Variants in MTCL3 observed in about 807,000 individuals in gnomAD.
The protein encoded by MTCL3 is MTCL family member 3, also known as microtubule cross-linking factor 3.
the MTCL3 span, among the ~76,000 whole-genome samples, chr6:127,503,840 A>G: frequency 6.6e-6 from 1 of 152,158 alleles, no homozygotes; most frequent in Admixed American, 6.5e-5. Flanking sequence ...ACTAAGCACC[A>G]TGGAAAGAGC....
At chr6:127,497,884 G>A in the MTCL3 span, among the ~76,000 whole-genome samples, 25,842 of 152,050 alleles carry the variant, frequency 0.17, 3,254 homozygotes, top group East Asian at 0.64. Context: ...GGGGCAATTC[G>A]AGATCCACAT....
the MTCL3 span, among the ~76,000 whole-genome samples, chr6:127,506,651 G>A: frequency 5.3e-5 from 8 of 151,780 alleles, no homozygotes; most frequent in Non-Finnish European, 1.2e-4. Flanking sequence ...GGCGATCTTG[G>A]CTCACTGCAA....
At chr6:127,502,963 G>T in the MTCL3 span, among the ~76,000 whole-genome samples, 1 of 152,156 alleles carries the variant, frequency 6.6e-6, no homozygotes, top group Non-Finnish European at 1.5e-5. Flanking sequence ...TTGCTCCAAA[G>T]ATTCCCTTTC....
At chr6:127,510,793 T>C in the MTCL3 span, among the ~76,000 whole-genome samples, 32 of 152,360 alleles carry the variant, frequency 2.1e-4, no homozygotes, top group Middle Eastern at 3.4e-3. Flanking sequence ...AGGAAGCTAT[T>C]AGATTGTTGC....
At chr6:127,488,675 A>C in the MTCL3 span, among the ~76,000 whole-genome samples, 4,883 of 152,334 alleles carry the variant, frequency 0.032, 191 homozygotes, top group African/African-American at 0.092. Context: ...AAATGGAAAG[A>C]AGCTGGAAAA....
the MTCL3 span, chr6:127,473,456 C>A: frequency 5.7e-6 from 7 of 1,237,686 alleles, no homozygotes; most frequent in Non-Finnish European, 7.6e-6. Flanking sequence ...AACTTAAATT[C>A]ACATCAACAA....
chr6:127,491,027 G>C, the MTCL3 span, among the ~76,000 whole-genome samples: 2 of 152,166 alleles, frequency 1.3e-5, no homozygotes, highest in East Asian at 3.9e-4. Context: ...CTTGCTGAAA[G>C]CTCCTGATAC....
chr6:127,516,585 G>A, the MTCL3 span: 2 of 1,597,500 alleles, frequency 1.3e-6, no homozygotes, highest in Admixed American at 1.7e-5. Flanking sequence ...CTGTGGCAGG[G>A]GCAGCGCCCC....
At chr6:127,482,312 ATCT>A in the MTCL3 span, among the ~76,000 whole-genome samples, 3 of 152,206 alleles carry the variant, frequency 2.0e-5, no homozygotes, top group Middle Eastern at 3.2e-3. The surrounding 1 kb of genome is among the most constrained non-coding windows in gnomAD (Gnocchi z 4.1). Flanking sequence ...CCATTTTAAA[ATCT>A]TCTTCATTAC....
the MTCL3 span, chr6:127,515,856 T>A: frequency 6.2e-7 from 1 of 1,611,616 alleles, no homozygotes; most frequent in Non-Finnish European, 8.5e-7. The surrounding 1 kb of genome is among the most constrained non-coding windows in gnomAD (Gnocchi z 4.3). Context: ...ACTGCAGACA[T>A]CCTTCTTTCC....
chr6:127,511,089 A>G, the MTCL3 span, among the ~76,000 whole-genome samples: 1 of 152,310 alleles, frequency 6.6e-6, no homozygotes, highest in South Asian at 2.1e-4. Flanking sequence ...GGAAGTCTGG[A>G]AACAGAGAGC....
At chr6:127,493,273 T>C in the MTCL3 span, among the ~76,000 whole-genome samples, 3 of 152,222 alleles carry the variant, frequency 2.0e-5, no homozygotes, top group African/African-American at 7.2e-5. Flanking sequence ...TCAATTTTAA[T>C]TTAAGGATTC....
At chr6:127,511,009 G>A in the MTCL3 span, among the ~76,000 whole-genome samples, 1 of 152,198 alleles carries the variant, frequency 6.6e-6, no homozygotes, top group Non-Finnish European at 1.5e-5. Flanking sequence ...AATAGCTTGA[G>A]CCCAGGCAGG....
At chr6:127,483,515 T>C in the MTCL3 span, among the ~76,000 whole-genome samples, 2 of 152,110 alleles carry the variant, frequency 1.3e-5, no homozygotes, top group Non-Finnish European at 2.9e-5. Context: ...TGTAGTGAAA[T>C]GGAGAAGGCA....
chr6:127,473,597 C>A, the MTCL3 span, among the ~76,000 whole-genome samples: 2 of 152,094 alleles, frequency 1.3e-5, no homozygotes, highest in Non-Finnish European at 2.9e-5. Context: ...AAGAGTATAA[C>A]CGAATACATA....
chr6:127,501,820 A>G, the MTCL3 span, among the ~76,000 whole-genome samples: 1 of 152,228 alleles, frequency 6.6e-6, no homozygotes, highest in Non-Finnish European at 1.5e-5. Context: ...AATTTAACTG[A>G]TCCTGAAATG....
chr6:127,515,440 C>A, the MTCL3 span: 1 of 1,347,972 alleles, frequency 7.4e-7, no homozygotes, highest in South Asian at 1.7e-5. This position sits in a 1 kb window ranked among gnomAD's most constrained non-coding sequence, Gnocchi z 4.3. Context: ...GCCTCTGATC[C>A]CTGCCGGTAC....
At chr6:127,506,855 A>G in the MTCL3 span, among the ~76,000 whole-genome samples, 1 of 152,282 alleles carries the variant, frequency 6.6e-6, no homozygotes, top group Non-Finnish European at 1.5e-5. Context: ...CTGGGATTAC[A>G]GGCATGAGCC....
chr6:127,477,390 T>C, the MTCL3 span, among the ~76,000 whole-genome samples: 1 of 152,242 alleles, frequency 6.6e-6, no homozygotes, highest in Non-Finnish European at 1.5e-5. Context: ...TGAAGCATGT[T>C]ATTATGTCTA....
Sources: gnomAD v4.1 joint callset for allele counts (sites outside exome capture counted in the v4.1 genomes callset) on GRCh38, gnomAD v4.1.1 for gene constraint, Gnocchi (gnomAD v3.1) non-coding constraint, MANE v1.5 for transcripts, NCBI Gene and HGNC (gene_info 2026-07-23, HGNC 2026-07-21) for gene names.